NUDT4: variants seen among roughly 807,000 people sequenced by gnomAD.
NUDT4 encodes diphosphoinositol polyphosphate phosphohydrolase 2.
A neutral mutation model predicts 23.1 loss-of-function variants in NUDT4; 5 were observed. The ratio of observed to expected loss-of-function variants is 0.22; its 90% confidence interval spans 0.11 to 0.46. The LOEUF (loss-of-function observed/expected upper bound fraction) is 0.46, where lower values mean the gene tolerates loss of function less well. Ranked by LOEUF, NUDT4 falls within the 20% of genes least tolerant of loss-of-function variation. The pLI, the probability that NUDT4 is intolerant of heterozygous loss-of-function variation, is 0.99. For missense variants in NUDT4, 96 were observed against 211.6 expected (o/e 0.45, Z 3.39); for synonymous variants, 50 against 79.0 (o/e 0.63, Z 1.95).
At chr12:93,392,683 T>TC (rs1876636292) in intron 1 of NUDT4, among the ~76,000 whole-genome samples, 1 of 111,592 alleles carries the variant, frequency 9.0e-6, no homozygotes, top group Non-Finnish European at 1.9e-5. Context: ...TTTTTTTTTT[T>TC]TCCCCCGAGA....
At chr12:93,393,708 G>T (rs2120939204) in intron 1 of NUDT4, among the ~76,000 whole-genome samples, 1 of 152,292 alleles carries the variant, frequency 6.6e-6, no homozygotes, top group South Asian at 2.1e-4. Flanking sequence ...ATAAATGATA[G>T]CTGCCTGTTA....
At position 93,386,437 on chromosome 12, in the gene NUDT4, G is replaced by A. The variant is rs113810956; in HGVS notation, c.99+8016G>A. On this transcript the variant is annotated intron_variant, in intron 1 of 4. Coordinates refer to ENST00000415493, the MANE Select transcript of NUDT4 (RefSeq NM_019094.6). ...ACTAAAAATACAAAAAAAATGAGCC[G>A]AGCATGGTGGTGTGTACCTGTAATC... 9.9e-5 allele frequency among the ~76,000 whole-genome samples: 15 copies of A among 152,118 alleles called. 1 individual carries two copies. The highest frequency in any genetic ancestry group is 3.1e-4 in the African/African-American group (13 of 41,514).
At chr12:93,382,555 T>G (rs984691820) in intron 1 of NUDT4, among the ~76,000 whole-genome samples, 1 of 152,130 alleles carries the variant, frequency 6.6e-6, no homozygotes, top group Non-Finnish European at 1.5e-5. Flanking sequence ...GAATCAACAG[T>G]CAGTCCACCC....
At chr12:93,392,050 ATTT>A (rs1439532852) in intron 1 of NUDT4, among the ~76,000 whole-genome samples, 2 of 151,564 alleles carry the variant, frequency 1.3e-5, no homozygotes, top group Non-Finnish European at 2.9e-5. Context: ...CACCCAGCTA[ATTT>A]TTGTATTTTT....
chr12:93,388,403 G>A (rs1300281637), intron 1 of NUDT4, among the ~76,000 whole-genome samples: 1 of 152,214 alleles, frequency 6.6e-6, no homozygotes, highest in African/African-American at 2.4e-5. Flanking sequence ...AGGGAAAGAT[G>A]TATATTCAGT....
At chr12:93,391,156 C>T (rs1876468427) in intron 1 of NUDT4, among the ~76,000 whole-genome samples, 1 of 152,030 alleles carries the variant, frequency 6.6e-6, no homozygotes, top group African/African-American at 2.4e-5. Flanking sequence ...AAAAAAAAAT[C>T]AGTCATGGCT....
At position 93,405,852 on chromosome 12, in the gene NUDT4, T is replaced by C. The variant is rs1360518733; in HGVS notation, c.*6473T>C. 1.3e-5 allele frequency: 2 copies of C among 152,212 alleles called. No homozygotes were observed. The highest frequency in any genetic ancestry group is 2.1e-4 in the South Asian group (1 of 4,834). The allele number at this position is 152,212 out of a possible 1,614,324, so 9.4% of individuals were successfully genotyped here. Reference sequence around the variant, plus strand: ...TATCATCCCAGCCCAAAAGTACTTATTCGAATGAAATATTACATTTTTCTT... The same window carrying C: ...TATCATCCCAGCCCAAAAGTACTTACTCGAATGAAATATTACATTTTTCTT... On this transcript the variant is annotated 3_prime_UTR_variant, in exon 5 of 5. Coordinates refer to ENST00000415493, the MANE Select transcript of NUDT4 (RefSeq NM_019094.6).
Position 93,400,743 on chromosome 12 carries a change from G to A in NUDT4, c.*1364G>A, listed in dbSNP as rs1424899411. On this transcript the variant is annotated 3_prime_UTR_variant, in exon 5 of 5. Transcript: ENST00000415493. Reference sequence around the variant, plus strand: ...TCCTGCCTCAGCCTCCCGAGTAGTTGGGATTACAGGCGCCTGCCTCCATGC... The same window carrying A: ...TCCTGCCTCAGCCTCCCGAGTAGTTAGGATTACAGGCGCCTGCCTCCATGC... 1 of 152,226 alleles carries A rather than the reference G, an allele frequency of 6.6e-6. No individual in the cohort carries two copies. Among genetic ancestry groups the A allele is most frequent in the Non-Finnish European group, 1.5e-5 (1 of 68,056 alleles). 9.4% of individuals were successfully genotyped at this position (152,226 alleles called of 1,614,324 possible).
chr12:93,397,968 G>C (rs1241667926), intron 3 of NUDT4, among the ~76,000 whole-genome samples: 1 of 152,028 alleles, frequency 6.6e-6, no homozygotes, highest in Non-Finnish European at 1.5e-5. Context: ...AGGGAAGAGG[G>C]GATAGGATAA....
In NUDT4 at chr12:93,406,338, C is replaced by CTA. The variant is rs963984833; in HGVS notation, c.*6961_*6962dup. 1 of 142,552 alleles carries CTA rather than the reference C, an allele frequency of 7.0e-6. No homozygotes were observed. Among genetic ancestry groups the CTA allele is most frequent in the African/African-American group, 2.6e-5 (1 of 37,942 alleles). 8.8% of individuals were successfully genotyped at this position (142,552 alleles called of 1,614,324 possible). ...GAACCATTCAACAGAAAAATGAGGC[C>CTA]TATTCCTATCATTTCCTCGATCCAA... On this transcript the variant is annotated 3_prime_UTR_variant, in exon 5 of 5. Transcript: ENST00000415493.
At chr12:93,382,213 G>A (rs548606780) in intron 1 of NUDT4, among the ~76,000 whole-genome samples, 46 of 148,680 alleles carry the variant, frequency 3.1e-4, no homozygotes, top group Admixed American at 3.0e-3. Context: ...GCAGTGAGCC[G>A]AGATCATGCC....
rs1332154301 is a variant in NUDT4 at position 93,406,393 on chromosome 12, A to G, written c.*7014A>G. On this transcript the variant is annotated 3_prime_UTR_variant, in exon 5 of 5. Transcript: ENST00000415493. ...GTTCCACTTAGGTCACTGTGTTTAT[A>G]ATGTCTTTTAGGACAGATTTCCTTC... 1 of 150,998 alleles carries G rather than the reference A, an allele frequency of 6.6e-6. No homozygotes were observed. Among genetic ancestry groups the G allele is most frequent in the African/African-American group, 2.4e-5 (1 of 41,094 alleles). 9.4% of individuals were successfully genotyped at this position (150,998 alleles called of 1,614,324 possible).
intron 1 of NUDT4, 144 bp from the exon 2 acceptor site, chr12:93,394,465 T>G: frequency 2.1e-6 from 1 of 471,216 alleles, no homozygotes; most frequent in Non-Finnish European, 3.8e-6. Context: ...ATTTTTGTGG[T>G]GTAATGCGTA....
At position 93,390,585 on chromosome 12, in the gene NUDT4, G is replaced by A. The variant is rs150794274; in HGVS notation, c.100-4024G>A. ...TAATTTTCTATAAAGTCTCATCTGG[G>A]TATAATTTGATAATGTAATAACCCC... On this transcript the variant is annotated intron_variant, in intron 1 of 4. Transcript: ENST00000415493. 2.2e-3 allele frequency among the ~76,000 whole-genome samples: 336 copies of A among 152,110 alleles called. 1 individual carries two copies. Among genetic ancestry groups the A allele is most frequent in the African/African-American group, 7.8e-3 (323 of 41,470 alleles).
Position 93,378,368 on chromosome 12 carries a change from G to A in NUDT4, c.46G>A (p.Gly16Ser). ...CCAGACGCGGACCTACGACCGCGAGGGCTTCAAGAAGCGGGCGGCGTGCCT... is the reference window on the plus strand; with the variant it reads ...CCAGACGCGGACCTACGACCGCGAGAGCTTCAAGAAGCGGGCGGCGTGCCT... ...PNQTRTYDRE[G>S]FKKRAACLCF... The change falls in exon 1 of 5, where the codon GGC becomes AGC. Residue 16 changes from glycine to serine, a missense_variant. Gly to Ser is a moderately conservative substitution (Grantham distance 56). Transcript: ENST00000415493. 1.9e-6 allele frequency: 3 copies of A among 1,547,098 alleles called. No homozygotes were observed. Among genetic ancestry groups the A allele is most frequent in the Non-Finnish European group, 2.6e-6 (3 of 1,145,084 alleles).
intron 3 of NUDT4, among the ~76,000 whole-genome samples, chr12:93,397,528 T>C (rs1030153828): frequency 4.0e-5 from 6 of 149,148 alleles, no homozygotes; most frequent in Admixed American, 6.6e-5. Flanking sequence ...TTTTATTTAA[T>C]TTATGTTTTT....
intron 1 of NUDT4, among the ~76,000 whole-genome samples, chr12:93,390,532 C>T (rs1876418290): frequency 6.6e-6 from 1 of 151,848 alleles, no homozygotes; most frequent in Non-Finnish European, 1.5e-5. Context: ...CCCTTGCATG[C>T]ACTTTTGGAT....
At chr12:93,395,556 C>T (rs888828955) in intron 3 of NUDT4, 23 bp downstream of exon 3, 3 of 1,574,476 alleles carry the variant, frequency 1.9e-6, no homozygotes, top group Non-Finnish European at 2.6e-6. Context: ...GTAATCTTCA[C>T]TTTGCTGATA....
intron 4 of NUDT4, 131 bp from the exon 5 acceptor site, chr12:93,399,046 T>A: frequency 1.4e-6 from 1 of 730,876 alleles, no homozygotes. Context: ...AATGTAGAGA[T>A]GCATATTCAT....
Sources: gnomAD v4.1 joint callset for allele counts (sites outside exome capture counted in the v4.1 genomes callset) on GRCh38, gnomAD v4.1.1 for gene constraint, MANE v1.5 for transcripts, NCBI Gene and HGNC (gene_info 2026-07-23, HGNC 2026-07-21) for gene names.